Variants in FBLN1 observed in about 807,000 individuals in gnomAD.
FBLN1 encodes the protein fibulin-1.
A neutral mutation model predicts 89.7 loss-of-function variants in FBLN1; 34 were observed. The observed-to-expected ratio is 0.38, with a 90% CI of 0.29 to 0.50. FBLN1 has a LOEUF of 0.50. Among genes scored for constraint, FBLN1 ranks in the 20% least tolerant of loss-of-function variants. The pLI, the probability that FBLN1 is intolerant of heterozygous loss-of-function variation, is 0.92. For synonymous variants in FBLN1, 393 were observed against 391.3 expected (o/e 1.00, Z -0.05); for missense variants, 777 against 988.1 (o/e 0.79, Z 2.86).
chr22:45,507,471 G>A (rs1002923922), intron 1 of FBLN1, among the ~76,000 whole-genome samples: 11 of 152,114 alleles, frequency 7.2e-5, no homozygotes, highest in Non-Finnish European at 1.0e-4. Context: ...AACCAATGTC[G>A]TCATCTCAGC....
In FBLN1 at chr22:45,557,423, T is replaced by A. The variant is rs1417518556; in HGVS notation, c.1697+6808T>A. Among the ~76,000 whole-genome samples, 1 of 152,164 alleles carries A rather than the reference T, an allele frequency of 6.6e-6. No homozygotes were observed. The highest frequency in any genetic ancestry group is 1.5e-5 in the Non-Finnish European group (1 of 68,028). ...GATCACCCCGAGGCATGGTGCCACA[T>A]CGAGGGCTCAGTGTTGGTCTCTGCT... is the stretch of plus-strand genomic sequence containing the variant. On this transcript the variant is annotated intron_variant, in intron 14 of 16. Coordinates refer to ENST00000327858, the MANE Select transcript of FBLN1 (RefSeq NM_006486.3). The surrounding 1 kb of genome is among the most constrained non-coding windows in gnomAD (Gnocchi z 4.9).
Position 45,574,428 on chromosome 22 carries a change from G to A in FBLN1, c.1698-83G>A. 1 of 1,519,884 alleles carries A rather than the reference G, an allele frequency of 6.6e-7. No individual in the cohort carries two copies. Among genetic ancestry groups the A allele is most frequent in the Non-Finnish European group, 9.1e-7 (1 of 1,101,940 alleles). 94.1% of individuals were successfully genotyped at this position (1,519,884 alleles called of 1,614,324 possible). On this transcript the variant is annotated intron_variant, in intron 14 of 16. Coordinates refer to ENST00000327858, the MANE Select transcript of FBLN1 (RefSeq NM_006486.3). This position sits in a 1 kb window ranked among gnomAD's most constrained non-coding sequence, Gnocchi z 4.1. ...ACAGATGCCCCTGCCCTGGCCACCTGCTCCTCCTCCCTAGACCTCGGCCCC... is the reference window on the plus strand; with the variant it reads ...ACAGATGCCCCTGCCCTGGCCACCTACTCCTCCTCCCTAGACCTCGGCCCC...
At chr22:45,547,793 C>T (rs747144741) in intron 12 of FBLN1, among the ~76,000 whole-genome samples, 10 of 151,962 alleles carry the variant, frequency 6.6e-5, no homozygotes, top group Middle Eastern at 3.4e-3. Context: ...TAAATGTGCA[C>T]GGCGGTAATT....
In FBLN1 at chr22:45,576,870, CCCT is replaced by C; in HGVS notation, c.1841-106_1841-104del. 2.2e-6 allele frequency: 3 copies of C among 1,371,848 alleles called. No individual in the cohort carries two copies. In the African/African-American group the frequency reaches 4.3e-5, roughly 19 times the overall value. The allele number at this position is 1,371,848 out of a possible 1,614,324, so 85.0% of individuals were successfully genotyped here. ...TCATTGATGTTGTCTCATGAAAGGG[CCCT>C]GGGTTAGGTCTTCATTCCCCAAGGG... On this transcript the variant is annotated intron_variant, in intron 15 of 16. Coordinates refer to ENST00000327858, the MANE Select transcript of FBLN1 (RefSeq NM_006486.3). The surrounding 1 kb of genome is among the most constrained non-coding windows in gnomAD (Gnocchi z 5.2).
intron 16 of FBLN1, among the ~76,000 whole-genome samples, chr22:45,587,482 C>T (rs952227682): frequency 2.6e-5 from 4 of 152,194 alleles, no homozygotes; most frequent in Admixed American, 6.5e-5. Flanking sequence ...TCTCCCTCGC[C>T]TGCTCCTACC....
intron 14 of FBLN1, among the ~76,000 whole-genome samples, chr22:45,564,685 TC>T (rs2088886119): frequency 6.6e-6 from 1 of 152,226 alleles, no homozygotes; most frequent in Non-Finnish European, 1.5e-5. Flanking sequence ...ACATTTGTCT[TC>T]CGCACCTTCC....
At chr22:45,507,964 A>T (rs934718048) in intron 1 of FBLN1, among the ~76,000 whole-genome samples, 11 of 152,168 alleles carry the variant, frequency 7.2e-5, no homozygotes, top group Admixed American at 7.2e-4. Context: ...TCTGAGAGTC[A>T]CTGATGCGTG....
Position 45,502,917 on chromosome 22 carries a change from C to T in FBLN1, c.-69C>T, listed in dbSNP as rs954227306. On this transcript the variant is annotated 5_prime_UTR_variant, in exon 1 of 17. Coordinates refer to ENST00000327858, the MANE Select transcript of FBLN1 (RefSeq NM_006486.3). Reference sequence around the variant, plus strand: ...CGAGGCTCGGCCGGAGCGTGGAGCCCGCGCCGCTGCCCCAGGACCGCGCCC... The same window carrying T: ...CGAGGCTCGGCCGGAGCGTGGAGCCTGCGCCGCTGCCCCAGGACCGCGCCC... 3 of 622,196 alleles carry T rather than the reference C, an allele frequency of 4.8e-6. No individual in the cohort carries two copies. The highest frequency in any genetic ancestry group is 6.1e-6 in the Non-Finnish European group (3 of 490,186). The allele number at this position is 622,196 out of a possible 1,614,324, so 38.5% of individuals were successfully genotyped here.
In FBLN1 at chr22:45,517,467, G is replaced by A. The variant is rs1388306099; in HGVS notation, c.80-1215G>A. On this transcript the variant is annotated intron_variant, in intron 1 of 16. Transcript: ENST00000327858. ...GGTGCCCACTGGGGCTGTAGCCTGG[G>A]CTGGGGCATGGGGCACAAGGGCCTG... is the stretch of plus-strand genomic sequence containing the variant. 2.4e-5 allele frequency: 11 copies of A among 451,376 alleles called. No homozygotes were observed. In the Admixed American group the frequency reaches 2.7e-4, roughly 11 times the overall value. The allele number at this position is 451,376 out of a possible 1,614,324, so 28.0% of individuals were successfully genotyped here.
In FBLN1 at chr22:45,503,062, G is replaced by C; in HGVS notation, c.77G>C (p.Gly26Ala). Residue 26 changes from glycine to alanine, a missense_variant and splice_region_variant, in exon 1 of 17, where the codon GGA (glycine) becomes GCA (alanine). Coordinates refer to ENST00000327858, the MANE Select transcript of FBLN1 (RefSeq NM_006486.3). ...GGCGGCCTTGCGCTGCTGGCGGCCG[G>C]AGGTAGGGGCGTCCCGGGTCCGCCG... ...LLGGLALLAA[G>A]VDADVLLEAC... The C allele has an allele frequency of 8.0e-7, 1 of 1,242,504 alleles. No homozygotes were observed. Among genetic ancestry groups the C allele is most frequent in the South Asian group, 3.4e-5 (1 of 29,166 alleles). The allele number at this position is 1,242,504 out of a possible 1,614,324, so 77.0% of individuals were successfully genotyped here.
intron 8 of FBLN1, among the ~76,000 whole-genome samples, chr22:45,538,833 C>T (rs2088516612): frequency 6.6e-6 from 1 of 152,090 alleles, no homozygotes; most frequent in Non-Finnish European, 1.5e-5. Flanking sequence ...CCTGGGGCCC[C>T]AAGAGCCCAT....
rs566008519 is a variant in FBLN1, at chr22:45,503,245, C to G, written c.79+181C>G. 2.1e-5 allele frequency: 7 copies of G among 339,688 alleles called. No individual in the cohort carries two copies. In the South Asian group the frequency reaches 1.0e-3, roughly 50 times the overall value. 21.0% of individuals were successfully genotyped at this position (339,688 alleles called of 1,614,324 possible). On this transcript the variant is annotated intron_variant, in intron 1 of 16. Coordinates refer to ENST00000327858, the MANE Select transcript of FBLN1 (RefSeq NM_006486.3). Reference sequence around the variant, plus strand: ...CTCCCCCACGGCCAGCTCCGGTCCTCATCTCCTCCCCGGCCTGGGGACTTG... The same window carrying G: ...CTCCCCCACGGCCAGCTCCGGTCCTGATCTCCTCCCCGGCCTGGGGACTTG...
intron 16 of FBLN1, among the ~76,000 whole-genome samples, chr22:45,596,934 T>G (rs1167433549): frequency 1.3e-5 from 2 of 149,366 alleles, no homozygotes; most frequent in Middle Eastern, 3.6e-3. Context: ...ATATATTGTT[T>G]TATATGTATA....
rs1036439724 is a variant in FBLN1 at position 45,574,695 on chromosome 22, C to T, written c.1840+42C>T. The T allele has an allele frequency of 2.5e-6, 4 of 1,592,934 alleles. No homozygotes were observed. The highest frequency in any genetic ancestry group is 2.3e-5 in the East Asian group (1 of 44,332). ...TGGGGGTCCCAGGGCCCCCTAGGGCCTCCCTCGGCTTCAGCTGAGGGCTTG... is the reference window on the plus strand; with the variant it reads ...TGGGGGTCCCAGGGCCCCCTAGGGCTTCCCTCGGCTTCAGCTGAGGGCTTG... On this transcript the variant is annotated intron_variant, in intron 15 of 16. Coordinates refer to ENST00000327858, the MANE Select transcript of FBLN1 (RefSeq NM_006486.3). This position sits in a 1 kb window ranked among gnomAD's most constrained non-coding sequence, Gnocchi z 4.1.
chr22:45,574,589 C>A lies in FBLN1; in HGVS notation c.1776C>A (p.Pro592=), dbSNP rs774273948. 3.1e-6 allele frequency: 5 copies of A among 1,614,146 alleles called. No individual in the cohort carries two copies. Among genetic ancestry groups the A allele is most frequent in the Non-Finnish European group, 3.4e-6 (4 of 1,180,028 alleles). The change falls in exon 15 of 17, where the codon CCC becomes CCA. Residue 592 remains proline (P), a synonymous_variant. Transcript: ENST00000327858. The surrounding 1 kb of genome is among the most constrained non-coding windows in gnomAD (Gnocchi z 4.1). ...ACGATGTCACATGCGTGTTCGACCC[C>A]GTGCACACCATCTCCCACACCGTCA... ...RPNDVTCVFD[P]VHTISHTVIS...
At chr22:45,582,816 GGTGCGTGTGA>G (rs752900548) in intron 16 of FBLN1, among the ~76,000 whole-genome samples, 3 of 152,158 alleles carry the variant, frequency 2.0e-5, no homozygotes, top group Non-Finnish European at 4.4e-5. Context: ...CGTGTGTGTG[GGTGCGTGTGA>G]GTGGTGAGTG....
At chr22:45,568,364 G>C (rs1036620407) in intron 14 of FBLN1, among the ~76,000 whole-genome samples, 17 of 151,534 alleles carry the variant, frequency 1.1e-4, no homozygotes, top group Non-Finnish European at 1.8e-4. Context: ...CAGCAGGGCT[G>C]CACTTCCTCT....
In FBLN1 at chr22:45,531,484, C is replaced by T. The variant is rs2088407470; in HGVS notation, c.544+160C>T. The stretch of plus-strand genomic sequence containing the variant: ...GCAGTGAGCTATGACTGCACCTTTG[C>T]ACTCTAGCCTGGGCAACAGAGCTGG... On this transcript the variant is annotated intron_variant, in intron 5 of 16. Coordinates refer to ENST00000327858, the MANE Select transcript of FBLN1 (RefSeq NM_006486.3). This position sits in a 1 kb window ranked among gnomAD's most constrained non-coding sequence, Gnocchi z 4.9. 6.6e-6 allele frequency among the ~76,000 whole-genome samples: 1 copy of T among 152,144 alleles called. No homozygotes were observed. The highest frequency in any genetic ancestry group is 1.5e-5 in the Non-Finnish European group (1 of 68,034).
rs183480777 is a variant in FBLN1 at position 45,574,711 on chromosome 22, T to C, written c.1840+58T>C. The C allele has an allele frequency of 4.0e-6, 6 of 1,501,648 alleles. No individual in the cohort carries two copies. The highest frequency in any genetic ancestry group is 1.7e-5 in the Admixed American group (1 of 57,206). The allele number at this position is 1,501,648 out of a possible 1,614,324, so 93.0% of individuals were successfully genotyped here. On this transcript the variant is annotated intron_variant, in intron 15 of 16. Coordinates refer to ENST00000327858, the MANE Select transcript of FBLN1 (RefSeq NM_006486.3). This position sits in a 1 kb window ranked among gnomAD's most constrained non-coding sequence, Gnocchi z 4.1. ...CCCTAGGGCCTCCCTCGGCTTCAGC[T>C]GAGGGCTTGGCCTACAGGAGTTGTT...
Sources: gnomAD v4.1 joint callset for allele counts (sites outside exome capture counted in the v4.1 genomes callset) on GRCh38, gnomAD v4.1.1 for gene constraint, Gnocchi (gnomAD v3.1) non-coding constraint, MANE v1.5 for transcripts, NCBI Gene and HGNC (gene_info 2026-07-23, HGNC 2026-07-21) for gene names.